CPEB3: variants seen among roughly 807,000 people sequenced by gnomAD.
CPEB3 encodes cytoplasmic polyadenylation element-binding protein 3.
A neutral mutation model predicts 67.2 loss-of-function variants in CPEB3; 20 were observed. That is an observed-to-expected ratio of 0.30 (90% CI 0.21 to 0.43). The LOEUF is 0.43. Ranked by LOEUF, CPEB3 falls within the 20% of genes least tolerant of loss-of-function variation. The probability of loss-of-function intolerance (pLI) is 1.00; values close to 1 mark genes in which losing one functional copy is unlikely to be tolerated. For synonymous variants in CPEB3, 376 were observed against 393.1 expected, an observed-to-expected ratio of 0.96 and a Z score of 0.51; for missense variants, 746 against 968.6, an observed-to-expected ratio of 0.77 and a Z score of 3.05.
intron 4 of CPEB3, among the ~76,000 whole-genome samples, chr10:92,177,754 G>A (rs979722348): frequency 9.2e-5 from 14 of 152,250 alleles, no homozygotes; most frequent in African/African-American, 2.9e-4. Flanking sequence ...ATGGGAACTT[G>A]GCCAATTCAA....
At chr10:92,120,142 G>A (rs1845284204) in intron 6 of CPEB3, among the ~76,000 whole-genome samples, 1 of 129,616 alleles carries the variant, frequency 7.7e-6, no homozygotes, top group Non-Finnish European at 1.6e-5. Context: ...CGGGTGCGGT[G>A]GCTCACACCT....
At chr10:92,168,212 T>C (rs1037205776) in intron 4 of CPEB3, among the ~76,000 whole-genome samples, 1 of 152,210 alleles carries the variant, frequency 6.6e-6, no homozygotes, top group Non-Finnish European at 1.5e-5. Context: ...TAAGAAAATA[T>C]ATCCTGTATT....
At chr10:92,071,974 G>A (rs1310198097) in intron 9 of CPEB3, among the ~76,000 whole-genome samples, 2 of 152,042 alleles carry the variant, frequency 1.3e-5, no homozygotes, top group South Asian at 2.1e-4. Context: ...ATGTGTACAG[G>A]TGCCATCTTT....
chr10:92,199,765 G>A (rs1849426125), intron 2 of CPEB3, among the ~76,000 whole-genome samples: 1 of 150,504 alleles, frequency 6.6e-6, no homozygotes, highest in Non-Finnish European at 1.5e-5. Context: ...TTTCTACTCA[G>A]TATATGTTAT....
rs193026921 is a variant in CPEB3, at chr10:92,102,133, A to G, written c.1572+8943T>C. 7.8e-4 allele frequency among the ~76,000 whole-genome samples: 119 copies of G among 152,190 alleles called. 1 individual carries two copies. The highest frequency in any genetic ancestry group is 2.7e-3 in the African/African-American group (113 of 41,466). ...AGTTTCAGGAGTTTAGATGCTATCTATTATTCTCAAGTGCTGAAGAGGAAG... is the reference window on the plus strand; with the variant it reads ...AGTTTCAGGAGTTTAGATGCTATCTGTTATTCTCAAGTGCTGAAGAGGAAG... On this transcript the variant is annotated intron_variant, in intron 7 of 9. Transcript: ENST00000265997.
chr10:92,161,548 C>T (rs1191913134), intron 4 of CPEB3, among the ~76,000 whole-genome samples: 3 of 152,102 alleles, frequency 2.0e-5, no homozygotes, highest in Non-Finnish European at 4.4e-5. Context: ...ATTGGAATTA[C>T]AGGCATGAGC....
intron 9 of CPEB3, among the ~76,000 whole-genome samples, chr10:92,062,915 G>A (rs985616740): frequency 1.6e-4 from 25 of 152,320 alleles, no homozygotes; most frequent in African/African-American, 4.6e-4. Context: ...CAAAGGAGAT[G>A]AGAACTACCT....
intron 1 of CPEB3, among the ~76,000 whole-genome samples, chr10:92,251,258 T>C (rs1852290770): frequency 6.6e-6 from 1 of 152,162 alleles, no homozygotes; most frequent in Non-Finnish European, 1.5e-5. Context: ...GATGCATTTC[T>C]CAGAAAGTAT....
intron 1 of CPEB3, among the ~76,000 whole-genome samples, chr10:92,267,881 C>T (rs1853131208): frequency 6.6e-6 from 1 of 152,182 alleles, no homozygotes; most frequent in African/African-American, 2.4e-5. Flanking sequence ...TGCAGTGGCA[C>T]GATCTCGGCT....
At chr10:92,280,111 G>C (rs1304284928) in intron 1 of CPEB3, among the ~76,000 whole-genome samples, 3 of 152,024 alleles carry the variant, frequency 2.0e-5, no homozygotes, top group Non-Finnish European at 2.9e-5. Context: ...GGGAGGCCAA[G>C]GCAGGTGGAT....
chr10:92,112,953 A>T (rs189504738), intron 6 of CPEB3, among the ~76,000 whole-genome samples: 1 of 152,346 alleles, frequency 6.6e-6, no homozygotes, highest in East Asian at 1.9e-4. Flanking sequence ...GTCCTGGGCA[A>T]CATGTAATGA....
chr10:92,137,810 T>A (rs191045832), intron 6 of CPEB3: 3,437 of 210,810 alleles, frequency 0.016, 65 homozygotes, highest in Non-Finnish European at 0.02. Context: ...CATCCTGGCT[T>A]ACATGGTGAA....
At position 92,050,664 on chromosome 10, in the gene CPEB3, A is replaced by G. The variant is rs1841868399; in HGVS notation, c.*1548T>C. ...TTAACAGGATAAATCCAGGGAATTAAGTAGTTAGTTTCTCACTCAGACAAC... is the reference window on the plus strand; with the variant it reads ...TTAACAGGATAAATCCAGGGAATTAGGTAGTTAGTTTCTCACTCAGACAAC... On this transcript the variant is annotated 3_prime_UTR_variant, in exon 10 of 10. Coordinates refer to ENST00000265997, the MANE Select transcript of CPEB3 (RefSeq NM_014912.5). 1 of 152,396 alleles carries G rather than the reference A, an allele frequency of 6.6e-6. No individual in the cohort carries two copies. The highest frequency in any genetic ancestry group is 1.5e-5 in the Non-Finnish European group (1 of 68,042). The allele number at this position is 152,396 out of a possible 1,614,324, so 9.4% of individuals were successfully genotyped here.
chr10:92,289,702 G>C (rs1324070564), intron 1 of CPEB3, among the ~76,000 whole-genome samples: 2 of 79,430 alleles, frequency 2.5e-5, no homozygotes, highest in East Asian at 5.6e-4. Flanking sequence ...GCAACATGGC[G>C]AGACCGCGTC....
chr10:92,141,862 CA>C (rs1224273923), intron 6 of CPEB3, among the ~76,000 whole-genome samples: 4 of 150,802 alleles, frequency 2.7e-5, no homozygotes, highest in Middle Eastern at 3.4e-3. Flanking sequence ...ACTAAAAATA[CA>C]AAAAATGAGC....
chr10:92,080,201 C>T (rs1469902452), intron 9 of CPEB3, among the ~76,000 whole-genome samples: 3 of 144,724 alleles, frequency 2.1e-5, no homozygotes, highest in Admixed American at 6.9e-5. Flanking sequence ...AGCAAGACTC[C>T]GTCTCAAAAA....
rs564568427 is a variant in CPEB3, at chr10:92,173,691, C to G, written c.1222+7272G>C. The stretch of plus-strand genomic sequence containing the variant: ...ATATCACCCTGGCCAATTCTTACAG[C>G]CTTTTGAATCTCAGCTTTCCAGTCT... On this transcript the variant is annotated intron_variant, in intron 4 of 9. Transcript: ENST00000265997. Among the ~76,000 whole-genome samples, 19 of 152,274 alleles carry G rather than the reference C, an allele frequency of 1.2e-4. No homozygotes were observed. The South Asian group carries it at 2.1e-3, about 17-fold the overall frequency.
intron 7 of CPEB3, among the ~76,000 whole-genome samples, chr10:92,093,978 C>T (rs1843735863): frequency 6.6e-6 from 1 of 152,096 alleles, no homozygotes; most frequent in Non-Finnish European, 1.5e-5. Flanking sequence ...CCTCAGCCTC[C>T]TGAGTAGTTG....
chr10:92,142,226 C>T (rs1425775717), intron 6 of CPEB3, among the ~76,000 whole-genome samples: 1 of 152,048 alleles, frequency 6.6e-6, no homozygotes, highest in African/African-American at 2.4e-5. Flanking sequence ...ACAGGAAGGA[C>T]AAGTATTTTC....
Sources: gnomAD v4.1 joint callset for allele counts (sites outside exome capture counted in the v4.1 genomes callset) on GRCh38, gnomAD v4.1.1 for gene constraint, MANE v1.5 for transcripts, NCBI Gene and HGNC (gene_info 2026-07-23, HGNC 2026-07-21) for gene names.